The following NCOA1 variants were observed in gnomAD, a reference collection of about 807,000 sequenced individuals.
NCOA1 encodes the protein Hin-2 protein.
NCOA1 carries 35 observed loss-of-function variants against 150.9 expected under a neutral mutation model. The observed-to-expected ratio is 0.23, with a 90% CI of 0.18 to 0.31. The LOEUF is 0.31. Among genes scored for constraint, NCOA1 ranks in the 10% least tolerant of loss-of-function variants. The pLI is 1.00. For synonymous variants in NCOA1, 590 were observed against 630.0 expected, an observed-to-expected ratio of 0.94 and a Z score of 0.95; for missense variants, 1,491 against 1,749.3, an observed-to-expected ratio of 0.85 and a Z score of 2.63.
At position 24,762,680 on chromosome 2, in the gene NCOA1, T is replaced by G. The variant is rs769765775; in HGVS notation, c.4066-7T>G. On this transcript the variant is annotated splice_polypyrimidine_tract_variant and splice_region_variant and intron_variant, in intron 21 of 22. Transcript: ENST00000348332. ...TTGTAATTTGATCTTGTATTTATCT[T>G]TAATAGATAAATGATCCCGCACTGA... 2 of 1,607,504 alleles carry G rather than the reference T, an allele frequency of 1.2e-6. No homozygotes were observed. The highest frequency in any genetic ancestry group is 2.7e-5 in the African/African-American group (2 of 74,898).
At chr2:24,596,121 A>AGAGCC (rs1667874866) in intron 3 of NCOA1, among the ~76,000 whole-genome samples, 1 of 152,038 alleles carries the variant, frequency 6.6e-6, no homozygotes, top group Admixed American at 6.6e-5. Flanking sequence ...GGATACCAAA[A>AGAGCC]GAGCCCCATT....
intron 5 of NCOA1, among the ~76,000 whole-genome samples, chr2:24,660,807 C>T (rs1445015616): frequency 1.3e-5 from 2 of 152,030 alleles, no homozygotes; most frequent in Non-Finnish European, 2.9e-5. Flanking sequence ...CTCCTGTAAT[C>T]CCAGCACTTT....
intron 9 of NCOA1, 73 bp from the exon 10 acceptor site, chr2:24,693,179 A>G: frequency 7.1e-7 from 1 of 1,412,932 alleles, no homozygotes; most frequent in Non-Finnish European, 1.0e-6. Flanking sequence ...TATGAAAACC[A>G]TTAATGGCGA....
chr2:24,686,970 A>G (rs182549555), intron 8 of NCOA1, among the ~76,000 whole-genome samples: 32 of 152,126 alleles, frequency 2.1e-4, no homozygotes, highest in Admixed American at 2.0e-3. Flanking sequence ...AGTGTTTTGT[A>G]CAACTTAGAT....
At chr2:24,549,716 A>G (rs1665749429) in intron 1 of NCOA1, among the ~76,000 whole-genome samples, 1 of 152,080 alleles carries the variant, frequency 6.6e-6, no homozygotes, top group Non-Finnish European at 1.5e-5. Flanking sequence ...ACAGGTGCCC[A>G]CCACTGCGCC....
chr2:24,737,114 C>T (rs535259505), intron 17 of NCOA1, among the ~76,000 whole-genome samples: 1 of 152,132 alleles, frequency 6.6e-6, no homozygotes, highest in South Asian at 2.1e-4. Flanking sequence ...AACTAATCTC[C>T]TCCCACTCCC....
intron 17 of NCOA1, among the ~76,000 whole-genome samples, chr2:24,734,027 A>C (rs574769484): frequency 1.1e-4 from 16 of 152,146 alleles, no homozygotes; most frequent in African/African-American, 3.9e-4. Flanking sequence ...TCTACTAAAA[A>C]TACAAAAATT....
chr2:24,637,194 T>G (rs1000150966), intron 3 of NCOA1, among the ~76,000 whole-genome samples: 2 of 148,958 alleles, frequency 1.3e-5, no homozygotes, highest in Non-Finnish European at 3.0e-5. Context: ...AACTCGTCAT[T>G]TAGCATTAGG....
intron 1 of NCOA1, among the ~76,000 whole-genome samples, chr2:24,544,807 G>A (rs1665543331): frequency 6.6e-6 from 1 of 152,150 alleles, no homozygotes; most frequent in African/African-American, 2.4e-5. Flanking sequence ...AAATTCAGTA[G>A]AGTGTGAGCT....
At chr2:24,751,048 T>C (rs1308040211) in intron 19 of NCOA1, among the ~76,000 whole-genome samples, 2 of 150,422 alleles carry the variant, frequency 1.3e-5, no homozygotes, top group African/African-American at 2.4e-5. Flanking sequence ...TGTGCAGTGG[T>C]GCGATCTCGT....
rs755741849 is a variant in NCOA1 at position 24,706,551 on chromosome 2, T to C, written c.1098-17T>C. ...ACAAATGAAGATGTTTGAATAATAA[T>C]GTCTTTTTCCCCCTAGGGAGCACAG... On this transcript the variant is annotated splice_polypyrimidine_tract_variant and intron_variant, in intron 12 of 22. Coordinates refer to ENST00000348332, the MANE Select transcript of NCOA1 (RefSeq NM_003743.5). 6.4e-7 allele frequency: 1 copy of C among 1,562,938 alleles called. No individual in the cohort carries two copies. Among genetic ancestry groups the C allele is most frequent in the Admixed American group, 2.0e-5 (1 of 50,938 alleles).
At chr2:24,680,445 A>G (rs1345996141) in intron 7 of NCOA1, among the ~76,000 whole-genome samples, 2 of 152,216 alleles carry the variant, frequency 1.3e-5, no homozygotes, top group Non-Finnish European at 2.9e-5. Flanking sequence ...TGAACCTAGA[A>G]GACATTATGT....
rs946216616 is a variant in NCOA1 at position 24,571,418 on chromosome 2, C to G, written c.-260+6988C>G. Reference sequence around the variant, plus strand: ...CAAGGGACAGTTTTACTGTATAGTGCTTACTGTTTACCAGGCTCTCTTCTC... The same window carrying G: ...CAAGGGACAGTTTTACTGTATAGTGGTTACTGTTTACCAGGCTCTCTTCTC... On this transcript the variant is annotated intron_variant, in intron 2 of 22. Coordinates refer to ENST00000348332, the MANE Select transcript of NCOA1 (RefSeq NM_003743.5). Among the ~76,000 whole-genome samples, 4 of 152,270 alleles carry G rather than the reference C, an allele frequency of 2.6e-5. No individual in the cohort carries two copies. The South Asian group carries it at 8.3e-4, about 32-fold the overall frequency.
chr2:24,700,000 G>T (rs575912145), intron 11 of NCOA1, among the ~76,000 whole-genome samples: 3 of 151,922 alleles, frequency 2.0e-5, no homozygotes, highest in Non-Finnish European at 2.9e-5. Flanking sequence ...CAAAATTAGC[G>T]CGCATGGTGG....
At chr2:24,550,314 C>T (rs1201271250) in intron 1 of NCOA1, among the ~76,000 whole-genome samples, 1 of 152,196 alleles carries the variant, frequency 6.6e-6, no homozygotes, top group Non-Finnish European at 1.5e-5. Flanking sequence ...TATTTTCATG[C>T]TGCTGATAAA....
chr2:24,642,832 C>CA (rs933101516), intron 3 of NCOA1, among the ~76,000 whole-genome samples: 1 of 152,114 alleles, frequency 6.6e-6, no homozygotes, highest in African/African-American at 2.4e-5. Flanking sequence ...GGATGGATCT[C>CA]AAGGGCATTA....
chr2:24,618,194 T>C lies in NCOA1; in HGVS notation c.-174-25772T>C, dbSNP rs537153149. On this transcript the variant is annotated intron_variant, in intron 3 of 22. Coordinates refer to ENST00000348332, the MANE Select transcript of NCOA1 (RefSeq NM_003743.5). Reference sequence around the variant, plus strand: ...ACACATGCAGACAATTTGGCCTCCCTTTTTCACTCCCAACACTTGTTGAAT... The same window carrying C: ...ACACATGCAGACAATTTGGCCTCCCCTTTTCACTCCCAACACTTGTTGAAT... Among the ~76,000 whole-genome samples, 7 of 152,284 alleles carry C rather than the reference T, an allele frequency of 4.6e-5. No individual in the cohort carries two copies. In the East Asian group the frequency reaches 1.3e-3, roughly 29 times the overall value.
intron 3 of NCOA1, among the ~76,000 whole-genome samples, chr2:24,608,028 T>TA (rs1668448849): frequency 6.6e-6 from 1 of 152,042 alleles, no homozygotes; most frequent in African/African-American, 2.4e-5. Flanking sequence ...GTTTATCGCT[T>TA]AGTCACCAAA....
At chr2:24,727,255 GATATA>G (rs1329816891) in intron 15 of NCOA1, among the ~76,000 whole-genome samples, 2 of 151,408 alleles carry the variant, frequency 1.3e-5, no homozygotes, top group African/African-American at 4.8e-5. Flanking sequence ...CCAAGAGATT[GATATA>G]ATATGTAGCT....
Sources: allele counts gnomAD v4.1 joint callset (sites outside exome capture counted in the v4.1 genomes callset), GRCh38; gene constraint gnomAD v4.1.1; transcripts MANE v1.5; gene names NCBI Gene and HGNC (gene_info 2026-07-23, HGNC 2026-07-21).